Variants in LRRC4B observed in about 807,000 individuals in gnomAD.
LRRC4B encodes the protein leucine-rich repeat-containing protein 4B.
LRRC4B carries 1 observed loss-of-function variant against 7.3 expected under a neutral mutation model. That is an observed-to-expected ratio of 0.14 (90% CI 0.05 to 0.65). The LOEUF (loss-of-function observed/expected upper bound fraction) is 0.65. Among genes scored for constraint, LRRC4B ranks in the 30% least tolerant of loss-of-function variants. The pLI is 0.84. For missense variants in LRRC4B, 730 were observed against 1,041.6 expected, an observed-to-expected ratio of 0.70 and a Z score of 4.12; for synonymous variants, 500 against 499.2, an observed-to-expected ratio of 1.00 and a Z score of -0.02.
chr19:50,521,487 G>T (rs1350305995), intron 2 of LRRC4B, among the ~76,000 whole-genome samples: 1 of 152,174 alleles, frequency 6.6e-6, no homozygotes, highest in African/African-American at 2.4e-5. Flanking sequence ...GAGTGCAGTT[G>T]CACAATCTCG....
rs1306297393 is a variant in LRRC4B at position 50,518,195 on chromosome 19, C to T, written c.1518G>A (p.Pro506=). The T allele has an allele frequency of 6.2e-6, 10 of 1,608,368 alleles. No individual in the cohort carries two copies. The highest frequency in any genetic ancestry group is 2.7e-5 in the African/African-American group (2 of 74,874). Reference sequence around the variant, plus strand: ...CTGGCGGTTCCTTCTCCGTCCCCCGCGGCTGCAGGGCCTCCTCTCCGGGCT... The same window carrying T: ...CTGGCGGTTCCTTCTCCGTCCCCCGTGGCTGCAGGGCCTCCTCTCCGGGCT... The part of the protein sequence containing the change: ...ETQPGEEALQ[P]RGTEKEPPGP... The change falls in exon 3 of 3, where the codon CCG becomes CCA. Residue 506 remains proline, a synonymous_variant. Coordinates refer to ENST00000652263, the MANE Select transcript of LRRC4B (RefSeq NM_001080457.2).
Position 50,517,770 on chromosome 19 carries a change from C to T in LRRC4B, c.1943G>A (p.Ser648Asn). ...VASGGGVGGD[S>N]HLALPALERD... ...CTCCAGGGCGGGCAGGGCCAGGTGG[C>T]TGTCCCCGCCCACACCACCCCCACT... Residue 648 changes from serine to asparagine, a missense_variant, in exon 3 of 3, where the codon AGC (serine) becomes AAC (asparagine). Ser to Asn is a conservative substitution (Grantham distance 46). Transcript: ENST00000652263. The surrounding 1 kb of genome is among the most constrained non-coding windows in gnomAD (Gnocchi z 6.6). 1 of 1,517,870 alleles carries T rather than the reference C, an allele frequency of 6.6e-7. No homozygotes were observed. The highest frequency in any genetic ancestry group is 8.8e-7 in the Non-Finnish European group (1 of 1,137,440). 94.0% of individuals were successfully genotyped at this position (1,517,870 alleles called of 1,614,324 possible).
intron 2 of LRRC4B, among the ~76,000 whole-genome samples, chr19:50,538,578 T>G (rs1344406375): frequency 1.8e-3 from 250 of 135,316 alleles, no homozygotes; most frequent in African/African-American, 7.7e-3. Context: ...TTTTTTTTTT[T>G]TTTTTTTTGA....
intron 1 of LRRC4B, among the ~76,000 whole-genome samples, chr19:50,562,359 T>G (rs1982496379): frequency 6.6e-6 from 1 of 152,156 alleles, no homozygotes. Context: ...GGATGATGAC[T>G]GTGCCTCCTT....
chr19:50,530,428 A>G (rs1305005512), intron 2 of LRRC4B, among the ~76,000 whole-genome samples: 1 of 152,142 alleles, frequency 6.6e-6, no homozygotes, highest in Non-Finnish European at 1.5e-5. Context: ...ACCTTTGCAC[A>G]TGCTGTTCCC....
At chr19:50,539,004 C>T (rs1981427085) in intron 2 of LRRC4B, among the ~76,000 whole-genome samples, 1 of 151,894 alleles carries the variant, frequency 6.6e-6, no homozygotes, top group Non-Finnish European at 1.5e-5. Flanking sequence ...TCTCCTGCCT[C>T]AGCCTCCCAA....
chr19:50,526,245 T>C (rs76309057), intron 2 of LRRC4B, among the ~76,000 whole-genome samples: 1,855 of 152,158 alleles, frequency 0.012, 27 homozygotes, highest in African/African-American at 0.041. Flanking sequence ...CTCCTCTACT[T>C]GTTTCCCCCA....
At chr19:50,536,424 T>G (rs1224913275) in intron 2 of LRRC4B, among the ~76,000 whole-genome samples, 1 of 152,166 alleles carries the variant, frequency 6.6e-6, no homozygotes, top group Non-Finnish European at 1.5e-5. Flanking sequence ...TGAGCCACTG[T>G]GCCCGGATGA....
At chr19:50,525,406 C>CT (rs34552136) in intron 2 of LRRC4B, among the ~76,000 whole-genome samples, 30,913 of 135,924 alleles carry the variant, frequency 0.23, 3,813 homozygotes, top group East Asian at 0.44. Context: ...AAGAACCGTA[C>CT]TTTTTTTTTT....
intron 2 of LRRC4B, among the ~76,000 whole-genome samples, chr19:50,528,965 G>C (rs1599764566): frequency 6.6e-6 from 1 of 152,158 alleles, no homozygotes; most frequent in African/African-American, 2.4e-5. Flanking sequence ...TGAGGCTGGG[G>C]GCTGTGGGCA....
In LRRC4B at chr19:50,530,933, G is replaced by T. The variant is rs867242532; in HGVS notation, c.298-11518C>A. On this transcript the variant is annotated intron_variant, in intron 2 of 2. Coordinates refer to ENST00000652263, the MANE Select transcript of LRRC4B (RefSeq NM_001080457.2). The stretch of plus-strand genomic sequence containing the variant: ...TTGTATTTTTAGTAGAAACCTGGGG[G>T]GGGGGGGTCTCTCTATGTTGGTCAG... Among the ~76,000 whole-genome samples, 313 of 150,848 alleles carry T rather than the reference G, an allele frequency of 2.1e-3. 4 individuals are homozygous for T. The Middle Eastern group carries it at 0.048, about 23-fold the overall frequency.
rs1342386477 is a variant in LRRC4B at position 50,556,265 on chromosome 19, T to A, written c.-35-7392A>T. Among the ~76,000 whole-genome samples, 1 of 86,704 alleles carries A rather than the reference T, an allele frequency of 1.2e-5. No homozygotes were observed. The highest frequency in any genetic ancestry group is 1.3e-4 in the Admixed American group (1 of 7,914). The allele number at this position is 86,704 out of a possible 152,430, so 56.9% of individuals were successfully genotyped here. On this transcript the variant is annotated intron_variant, in intron 1 of 2. Transcript: ENST00000652263. This position sits in a 1 kb window ranked among gnomAD's most constrained non-coding sequence, Gnocchi z 4.2. ...CCGTGCAGTGGGGGTGCAGTCGGGG[T>A]GGGGGTGAGGTGCAGTGGGTGGGGG...
chr19:50,563,269 A>G lies in LRRC4B; in HGVS notation c.-36+4675T>C, dbSNP rs1982529138. 6.6e-6 allele frequency among the ~76,000 whole-genome samples: 1 copy of G among 151,378 alleles called. No individual in the cohort carries two copies. The highest frequency in any genetic ancestry group is 2.4e-5 in the African/African-American group (1 of 41,126). ...TCCAGGCAACAAGGGGCATCCTGCC[A>G]CTCTCCTTACTCTCCTGCCACCCCC... On this transcript the variant is annotated intron_variant, in intron 1 of 2. Coordinates refer to ENST00000652263, the MANE Select transcript of LRRC4B (RefSeq NM_001080457.2). This position sits in a 1 kb window ranked among gnomAD's most constrained non-coding sequence, Gnocchi z 4.9.
At position 50,548,639 on chromosome 19, in the gene LRRC4B, G is replaced by T; in HGVS notation, c.200C>A (p.Ala67Asp). 2 of 1,583,036 alleles carry T rather than the reference G, an allele frequency of 1.3e-6. No homozygotes were observed. The highest frequency in any genetic ancestry group is 1.3e-5 in the African/African-American group (1 of 74,556). Reference protein sequence around the residue: ...CPVACSCSNQASRVICTRRDL... With the variant: ...CPVACSCSNQDSRVICTRRDL... ...TCTCCGTGTGCAGATCACCCGGCTG[G>T]CCTGGTTGCTGCAGGAGCAGGCCAC... The change falls in exon 2 of 3, where the codon GCC becomes GAC. Residue 67 changes from alanine (A) to aspartate (D), a missense_variant. Physicochemically the swap from Ala to Asp is moderately radical, Grantham distance 126. Transcript: ENST00000652263. The surrounding 1 kb of genome is among the most constrained non-coding windows in gnomAD (Gnocchi z 6.8).
intron 2 of LRRC4B, among the ~76,000 whole-genome samples, chr19:50,527,753 C>T (rs1272358114): frequency 3.2e-4 from 37 of 114,250 alleles, no homozygotes; most frequent in South Asian, 8.5e-4. Context: ...TTCTTTTTTT[C>T]TTTTTTTTTT....
intron 2 of LRRC4B, among the ~76,000 whole-genome samples, chr19:50,541,279 C>G (rs930087245): frequency 3.4e-5 from 5 of 147,220 alleles, no homozygotes; most frequent in Admixed American, 2.8e-4. Flanking sequence ...GCAGGAGAAT[C>G]GCTTGAACCT....
intron 2 of LRRC4B, among the ~76,000 whole-genome samples, chr19:50,538,831 A>AGTGCTGGGATTACAGGTGTGAGCCACC (rs542777029): frequency 2.0e-5 from 3 of 150,540 alleles, no homozygotes; most frequent in Admixed American, 2.0e-4. Flanking sequence ...GGCCTCCCAA[A>AGTGCTGGGATTACAGGTGTGAGCCACC]GTGCTGGGAT....
intron 2 of LRRC4B, among the ~76,000 whole-genome samples, chr19:50,536,379 C>T (rs557947391): frequency 6.6e-6 from 1 of 152,140 alleles, no homozygotes; most frequent in Non-Finnish European, 1.5e-5. Flanking sequence ...AGTGAGCACC[C>T]GCCTCAGCCT....
chr19:50,541,148 C>T (rs1981528390), intron 2 of LRRC4B, among the ~76,000 whole-genome samples: 1 of 150,186 alleles, frequency 6.7e-6, no homozygotes, highest in Non-Finnish European at 1.5e-5. Context: ...GGCGCTACTG[C>T]ACTCCAGCCT....
Sources: allele counts gnomAD v4.1 joint callset (sites outside exome capture counted in the v4.1 genomes callset), GRCh38; gene constraint gnomAD v4.1.1; non-coding constraint Gnocchi (gnomAD v3.1); transcripts MANE v1.5; gene names NCBI Gene and HGNC (gene_info 2026-07-23, HGNC 2026-07-21).